DGKI: variants seen among roughly 807,000 people sequenced by gnomAD.
DGKI encodes the protein DAG kinase iota.
A neutral mutation model predicts 147.5 loss-of-function variants in DGKI; 55 were observed. That is an observed-to-expected ratio of 0.37 (90% confidence interval 0.30 to 0.47). The LOEUF (loss-of-function observed/expected upper bound fraction) is 0.47. DGKI is among the 20% of genes least tolerant of loss of function. The probability of loss-of-function intolerance (pLI) is 1.00; values close to 1 mark genes in which losing one functional copy is unlikely to be tolerated. For missense variants in DGKI, 1,007 were observed against 1,323.8 expected (o/e 0.76, Z 3.71); for synonymous variants, 469 against 477.1 (o/e 0.98, Z 0.22).
Position 137,578,336 on chromosome 7 carries a change from G to T in DGKI, c.1643-11C>A. Reference sequence around the variant, plus strand: ...TCTCTGGATTTGCTTCTGTGAAAGAGGAAAAGTAGTTTTGTTATGGAGACC... The same window carrying T: ...TCTCTGGATTTGCTTCTGTGAAAGATGAAAAGTAGTTTTGTTATGGAGACC... On this transcript the variant is annotated splice_polypyrimidine_tract_variant and intron_variant, in intron 15 of 32. Transcript: ENST00000614521. 6.2e-7 allele frequency: 1 copy of T among 1,612,424 alleles called. No homozygotes were observed. The highest frequency in any genetic ancestry group is 8.5e-7 in the Non-Finnish European group (1 of 1,178,616).
At chr7:137,646,975 T>C (rs1283035821) in intron 5 of DGKI, among the ~76,000 whole-genome samples, 2 of 152,096 alleles carry the variant, frequency 1.3e-5, no homozygotes, top group Non-Finnish European at 2.9e-5. Flanking sequence ...GGAGGAACAA[T>C]GGTCTTTTAA....
At chr7:137,685,381 A>C (rs531888209) in intron 2 of DGKI, among the ~76,000 whole-genome samples, 50 of 152,314 alleles carry the variant, frequency 3.3e-4, no homozygotes, top group Non-Finnish European at 3.8e-4. Context: ...ATGGGCAAAA[A>C]CAAATTATGA....
chr7:137,441,280 G>T (rs1001899856), intron 28 of DGKI, among the ~76,000 whole-genome samples: 1 of 151,960 alleles, frequency 6.6e-6, no homozygotes, highest in African/African-American at 2.4e-5. Flanking sequence ...AATTAGCCGG[G>T]CATGGTGGCG....
chr7:137,489,521 T>C (rs1162885833), intron 21 of DGKI, among the ~76,000 whole-genome samples: 1 of 152,126 alleles, frequency 6.6e-6, no homozygotes, highest in Non-Finnish European at 1.5e-5. Context: ...TAAGGAGATC[T>C]CCTAAAAATA....
intron 8 of DGKI, among the ~76,000 whole-genome samples, chr7:137,613,937 C>T (rs778555115): frequency 3.3e-5 from 5 of 152,082 alleles, no homozygotes; most frequent in Admixed American, 6.6e-5. Flanking sequence ...TGCATGTAAA[C>T]GCACAGTAAA....
At chr7:137,586,103 C>A (rs1819385770) in intron 13 of DGKI, among the ~76,000 whole-genome samples, 1 of 152,102 alleles carries the variant, frequency 6.6e-6, no homozygotes, top group African/African-American at 2.4e-5. Context: ...CAGAGCCCAG[C>A]CCATGTAATG....
intron 20 of DGKI, among the ~76,000 whole-genome samples, chr7:137,527,175 A>C (rs953548660): frequency 6.6e-5 from 10 of 151,914 alleles, no homozygotes; most frequent in Non-Finnish European, 1.5e-4. Context: ...TGTAGTGAGC[A>C]CTAAATGAGA....
At chr7:137,439,238 T>C (rs1464367222) in intron 28 of DGKI, among the ~76,000 whole-genome samples, 2 of 152,240 alleles carry the variant, frequency 1.3e-5, no homozygotes, top group South Asian at 2.1e-4. Context: ...GGTACAGCCA[T>C]TGATGCCTCA....
intron 1 of DGKI, among the ~76,000 whole-genome samples, chr7:137,763,829 A>G (rs530445977): frequency 1.3e-5 from 2 of 152,366 alleles, no homozygotes; most frequent in South Asian, 4.1e-4. Flanking sequence ...CCAAGTCTCC[A>G]ATAAGGTCTC....
chr7:137,793,371 G>A (rs1585500297), intron 1 of DGKI, among the ~76,000 whole-genome samples: 2 of 151,592 alleles, frequency 1.3e-5, no homozygotes, highest in East Asian at 3.9e-4. Flanking sequence ...TATGATCTCA[G>A]CTCACTGCAA....
At chr7:137,517,770 A>C (rs1268755718) in intron 21 of DGKI, among the ~76,000 whole-genome samples, 1 of 152,174 alleles carries the variant, frequency 6.6e-6, no homozygotes, top group African/African-American at 2.4e-5. Flanking sequence ...GGACTTAAGG[A>C]AGGAAATTTG....
intron 1 of DGKI, among the ~76,000 whole-genome samples, chr7:137,694,009 T>C (rs576443681): frequency 1.3e-5 from 2 of 152,316 alleles, no homozygotes; most frequent in East Asian, 3.9e-4. Flanking sequence ...GCATATACTC[T>C]TCATAAATAG....
At chr7:137,449,215 T>A (rs1813850292) in intron 27 of DGKI, among the ~76,000 whole-genome samples, 1 of 152,102 alleles carries the variant, frequency 6.6e-6, no homozygotes, top group Admixed American at 6.5e-5. Flanking sequence ...GCTGGAGCCA[T>A]CACACTACCT....
At chr7:137,656,144 G>A (rs1043106174) in intron 4 of DGKI, among the ~76,000 whole-genome samples, 30 of 152,220 alleles carry the variant, frequency 2.0e-4, no homozygotes, top group Admixed American at 6.5e-4. Flanking sequence ...ACAGCTTGTG[G>A]AACAGCCTAT....
intron 6 of DGKI, among the ~76,000 whole-genome samples, chr7:137,624,258 T>C (rs1018765784): frequency 4.0e-4 from 61 of 152,298 alleles, no homozygotes; most frequent in African/African-American, 1.0e-3. Context: ...GAGAAGTATG[T>C]AGTATTGCAC....
intron 1 of DGKI, among the ~76,000 whole-genome samples, chr7:137,705,710 T>C (rs1262885717): frequency 6.6e-6 from 1 of 151,856 alleles, no homozygotes; most frequent in Non-Finnish European, 1.5e-5. Context: ...TTAATAAAAA[T>C]TACAAAAAAG....
intron 28 of DGKI, among the ~76,000 whole-genome samples, chr7:137,437,874 T>A (rs1264444178): frequency 1.3e-5 from 2 of 152,106 alleles, no homozygotes; most frequent in African/African-American, 4.8e-5. Context: ...GAAAATGAAA[T>A]AGCTAGTTAT....
At chr7:137,833,804 G>A (rs1346695663) in intron 1 of DGKI, among the ~76,000 whole-genome samples, 1 of 152,180 alleles carries the variant, frequency 6.6e-6, no homozygotes, top group Admixed American at 6.5e-5. Context: ...GGCCTCATTG[G>A]TTACCATGGT....
intron 1 of DGKI, among the ~76,000 whole-genome samples, chr7:137,734,370 T>TA (rs1794964444): frequency 6.6e-6 from 1 of 152,054 alleles, no homozygotes. Flanking sequence ...GCTTAGTGAC[T>TA]AAAAATAACA....
Sources: gnomAD v4.1 joint callset for allele counts (sites outside exome capture counted in the v4.1 genomes callset) on GRCh38, gnomAD v4.1.1 for gene constraint, MANE v1.5 for transcripts, NCBI Gene and HGNC (gene_info 2026-07-23, HGNC 2026-07-21) for gene names.